Variants in GRM1 observed in about 807,000 individuals in gnomAD.
The protein encoded by GRM1 is glutamate metabotropic receptor 1, also known as metabotropic glutamate receptor 1.
A neutral mutation model predicts 90.9 loss-of-function variants in GRM1; 33 were observed. That is an observed-to-expected ratio of 0.36 (90% CI 0.28 to 0.49). The LOEUF (loss-of-function observed/expected upper bound fraction) is 0.49. GRM1 is among the 20% of genes least tolerant of loss of function. The pLI is 0.99. For synonymous variants in GRM1, 700 were observed against 613.2 expected (o/e 1.14, Z -2.09); for missense variants, 1,190 against 1,534.3 (o/e 0.78, Z 3.75).
chr6:146,304,904 T>G, intron 3 of GRM1, 58 bp downstream of exon 3: 1 of 1,171,826 alleles, frequency 8.5e-7, no homozygotes, highest in Non-Finnish European at 1.3e-6. Context: ...CTAGATTTAT[T>G]GCAACTTGTT....
chr6:146,217,906 T>C (rs1779930225), intron 2 of GRM1, among the ~76,000 whole-genome samples: 1 of 152,216 alleles, frequency 6.6e-6, no homozygotes, highest in African/African-American at 2.4e-5. Context: ...AGATAGGCTG[T>C]ATTACAGTAG....
At chr6:146,241,365 G>A (rs1236314978) in intron 2 of GRM1, among the ~76,000 whole-genome samples, 1 of 152,142 alleles carries the variant, frequency 6.6e-6, no homozygotes, top group African/African-American at 2.4e-5. Context: ...CTCTACCTTT[G>A]AGGAGTTCAT....
intron 2 of GRM1, among the ~76,000 whole-genome samples, chr6:146,208,829 T>A (rs1240587940): frequency 6.6e-6 from 1 of 152,132 alleles, no homozygotes. Context: ...TAATTTTTCC[T>A]CTTAAATTTT....
chr6:146,156,389 A>C (rs1456637822), intron 1 of GRM1, among the ~76,000 whole-genome samples: 1 of 152,144 alleles, frequency 6.6e-6, no homozygotes, highest in Non-Finnish European at 1.5e-5. Flanking sequence ...CTGGGCGACC[A>C]AGAGTGAGAC....
intron 2 of GRM1, among the ~76,000 whole-genome samples, chr6:146,245,448 T>C (rs1036394032): frequency 1.3e-5 from 2 of 152,216 alleles, no homozygotes; most frequent in African/African-American, 4.8e-5. Flanking sequence ...ATGAATATTC[T>C]ATGTGCTTAA....
At chr6:146,338,303 G>T (rs1234454738) in intron 3 of GRM1, among the ~76,000 whole-genome samples, 1 of 152,176 alleles carries the variant, frequency 6.6e-6, no homozygotes, top group Non-Finnish European at 1.5e-5. Flanking sequence ...CCTAAGACTG[G>T]CATGGAAAAG....
intron 2 of GRM1, chr6:146,171,495 A>C (rs1385257004): frequency 1.1e-5 from 2 of 185,976 alleles, no homozygotes. Flanking sequence ...TTTGGACAGG[A>C]ATCTGGATCT....
chr6:146,029,850 C>T lies in GRM1; in HGVS notation c.333C>T (p.His111=). The T allele has an allele frequency of 6.2e-7, 1 of 1,614,174 alleles. No homozygotes were observed. Among genetic ancestry groups the T allele is most frequent in the Non-Finnish European group, 8.5e-7 (1 of 1,180,012 alleles). The change falls in exon 1 of 8, where the codon CAC becomes CAT. Residue 111 remains histidine (H), a synonymous_variant. Transcript: ENST00000282753. ...LGSEIRDSCW[H]SSVALEQSIE... Reference sequence around the variant, plus strand: ...GTGAGATCCGGGACTCCTGCTGGCACTCTTCCGTGGCTCTGGAACAGAGCA... The same window carrying T: ...GTGAGATCCGGGACTCCTGCTGGCATTCTTCCGTGGCTCTGGAACAGAGCA...
At chr6:146,198,637 C>T (rs1779200517) in intron 2 of GRM1, among the ~76,000 whole-genome samples, 1 of 152,118 alleles carries the variant, frequency 6.6e-6, no homozygotes, top group Non-Finnish European at 1.5e-5. Flanking sequence ...TTATTTATTA[C>T]TTGGTCATCA....
intron 1 of GRM1, among the ~76,000 whole-genome samples, chr6:146,144,447 T>C (rs1037809626): frequency 6.6e-6 from 1 of 152,204 alleles, no homozygotes; most frequent in Non-Finnish European, 1.5e-5. Flanking sequence ...CTCTTCACCA[T>C]GTGATACCCT....
chr6:146,184,777 A>G (rs1401327439), intron 2 of GRM1, among the ~76,000 whole-genome samples: 2 of 152,156 alleles, frequency 1.3e-5, no homozygotes, highest in Non-Finnish European at 2.9e-5. Flanking sequence ...TCATGCAGGG[A>G]TGTAGCCTGA....
At chr6:146,043,802 T>TATATATATAGATATAG (rs1554260536) in intron 1 of GRM1, among the ~76,000 whole-genome samples, 1 of 142,892 alleles carries the variant, frequency 7.0e-6, no homozygotes, top group African/African-American at 2.7e-5. Flanking sequence ...TATATATATA[T>TATATATATAGATATAG]ATATATATAA....
intron 2 of GRM1, among the ~76,000 whole-genome samples, chr6:146,249,986 G>C (rs1198634478): frequency 2.0e-5 from 3 of 152,200 alleles, no homozygotes; most frequent in Non-Finnish European, 4.4e-5. Flanking sequence ...TGCTCCACCA[G>C]GTTTCAGACT....
intron 2 of GRM1, chr6:146,171,926 C>T (rs1562507817): frequency 5.0e-6 from 1 of 199,922 alleles, no homozygotes; most frequent in Non-Finnish European, 1.1e-5. Flanking sequence ...GCATAGAGCC[C>T]TGCCTCTTCT....
At chr6:146,326,706 A>G (rs1784413863) in intron 3 of GRM1, among the ~76,000 whole-genome samples, 3 of 152,224 alleles carry the variant, frequency 2.0e-5, no homozygotes, top group South Asian at 2.1e-4. Context: ...CATAGCCCAC[A>G]TTAGCTAACA....
chr6:146,276,803 T>C (rs922473732), intron 2 of GRM1, among the ~76,000 whole-genome samples: 1 of 152,140 alleles, frequency 6.6e-6, no homozygotes, highest in East Asian at 1.9e-4. Context: ...TGTTCTTGAG[T>C]GTAAAGTTCT....
At chr6:146,286,798 T>C (rs973656843) in intron 2 of GRM1, among the ~76,000 whole-genome samples, 1 of 152,180 alleles carries the variant, frequency 6.6e-6, no homozygotes, top group Admixed American at 6.6e-5. Flanking sequence ...GATAAAAAGT[T>C]CTGGAAGAAT....
upstream of GRM1, among the ~76,000 whole-genome samples, chr6:146,028,169 G>C (rs934908521): frequency 4.0e-5 from 6 of 151,814 alleles, no homozygotes; most frequent in Non-Finnish European, 8.8e-5. Flanking sequence ...ATATATACCT[G>C]CACAAGCGGT....
intron 2 of GRM1, among the ~76,000 whole-genome samples, chr6:146,168,457 T>C (rs898871298): frequency 1.3e-5 from 2 of 152,014 alleles, no homozygotes; most frequent in Non-Finnish European, 2.9e-5. Flanking sequence ...TACATTGTTA[T>C]TTTTGCTTAA....
Sources: gnomAD v4.1 joint callset for allele counts (sites outside exome capture counted in the v4.1 genomes callset) on GRCh38, gnomAD v4.1.1 for gene constraint, MANE v1.5 for transcripts, NCBI Gene and HGNC (gene_info 2026-07-23, HGNC 2026-07-21) for gene names.